The following TAFA4 variants were observed in gnomAD, a reference collection of about 807,000 sequenced individuals.
The protein encoded by TAFA4 is TAFA chemokine like family member 4.
A neutral mutation model predicts 21.1 loss-of-function variants in TAFA4; 20 were observed. The observed-to-expected ratio is 0.95, with a 90% CI of 0.67 to 1.38. The LOEUF is 1.38. Ranked by LOEUF, TAFA4 falls within the 40% of genes most tolerant of loss-of-function variation. TAFA4 has a pLI of 0.00. For synonymous variants in TAFA4, 71 were observed against 67.4 expected, an observed-to-expected ratio of 1.05 and a Z score of -0.26; for missense variants, 211 against 180.9, an observed-to-expected ratio of 1.17 and a Z score of -0.95.
intron 3 of TAFA4, among the ~76,000 whole-genome samples, chr3:68,780,934 A>T (rs1351412552): frequency 2.0e-5 from 3 of 152,004 alleles, no homozygotes; most frequent in Non-Finnish European, 4.4e-5. Context: ...TAAAAGGCAT[A>T]CCTGGCAGGT....
In TAFA4 at chr3:68,805,020, T is replaced by C. The variant is rs56199606; in HGVS notation, c.131-52002A>G. The stretch of plus-strand genomic sequence containing the variant: ...CTACTATCAGGGTGAACAGGCAACC[T>C]ACAAAATGGGAGAAAATTTTCACAA... On this transcript the variant is annotated intron_variant, in intron 3 of 5. Transcript: ENST00000295569. 9.4e-3 allele frequency among the ~76,000 whole-genome samples: 1,427 copies of C among 152,188 alleles called. 10 individuals are homozygous for C. Among genetic ancestry groups the C allele is most frequent in the Non-Finnish European group, 0.014 (948 of 68,008 alleles).
chr3:68,773,469 A>G (rs1014772234), intron 3 of TAFA4, among the ~76,000 whole-genome samples: 1 of 152,168 alleles, frequency 6.6e-6, no homozygotes, highest in African/African-American at 2.4e-5. Context: ...ATACTTAGGC[A>G]TGATTGATTA....
chr3:68,907,934 A>G (rs145922021), intron 1 of TAFA4, among the ~76,000 whole-genome samples: 1 of 152,332 alleles, frequency 6.6e-6, no homozygotes, highest in East Asian at 1.9e-4. Flanking sequence ...TGAACACTCA[A>G]TGCAGCAACG....
intron 2 of TAFA4, among the ~76,000 whole-genome samples, chr3:68,884,740 T>C (rs1006662109): frequency 1.3e-5 from 2 of 152,218 alleles, no homozygotes; most frequent in African/African-American, 4.8e-5. Context: ...GGGCACACAT[T>C]CCAAATCCTG....
At chr3:68,795,037 GAC>G in intron 3 of TAFA4, among the ~76,000 whole-genome samples, 1 of 81,136 alleles carries the variant, frequency 1.2e-5, no homozygotes, top group African/African-American at 5.3e-5. Context: ...CACACACACA[GAC>G]ACACAGTCTT....
rs1217706645 is a variant in TAFA4, at chr3:68,732,435, A to AAAAT, written c.*703_*706dup. 2 of 152,584 alleles carry AAAAT rather than the reference A, an allele frequency of 1.3e-5. No individual in the cohort carries two copies. The highest frequency in any genetic ancestry group is 4.8e-5 in the African/African-American group (2 of 41,432). 9.5% of individuals were successfully genotyped at this position (152,584 alleles called of 1,614,324 possible). A position where few individuals can be genotyped will look rare whatever the true frequency, so the allele number is the denominator to read the frequency against. On this transcript the variant is annotated 3_prime_UTR_variant, in exon 6 of 6. Transcript: ENST00000295569. ...TATGTTCTGATAGAGCTTTGGTTAT[A>AAAAT]AAATATTGGAATTGATATGCTTCCT... is the stretch of plus-strand genomic sequence containing the variant.
At chr3:68,851,341 G>A (rs530722329) in intron 3 of TAFA4, among the ~76,000 whole-genome samples, 1 of 152,216 alleles carries the variant, frequency 6.6e-6, no homozygotes, top group East Asian at 1.9e-4. Context: ...ACCTGTCGGG[G>A]GGTGCAGTGT....
chr3:68,746,173 CATGGGCTGAAGG>C, intron 4 of TAFA4, among the ~76,000 whole-genome samples: 1 of 152,094 alleles, frequency 6.6e-6, no homozygotes. Context: ...GGCCTTCAGC[CATGGGCTGAAGG>C]CTGCACTGTT....
chr3:68,880,116 T>C (rs2089599354), intron 3 of TAFA4, among the ~76,000 whole-genome samples: 1 of 151,112 alleles, frequency 6.6e-6, no homozygotes, highest in African/African-American at 2.4e-5. Flanking sequence ...GGTTTTGATC[T>C]CGCCTTTAAA....
chr3:68,824,060 C>T (rs1704171352), intron 3 of TAFA4, among the ~76,000 whole-genome samples: 2 of 152,142 alleles, frequency 1.3e-5, no homozygotes, highest in African/African-American at 4.8e-5. Context: ...TGGTATGCCA[C>T]AGTGATCATA....
At chr3:68,810,925 T>A (rs985903150) in intron 3 of TAFA4, among the ~76,000 whole-genome samples, 2 of 152,064 alleles carry the variant, frequency 1.3e-5, no homozygotes, top group African/African-American at 4.8e-5. Flanking sequence ...CAACCCCCAG[T>A]AGGGGCAGTC....
At chr3:68,740,635 T>C (rs1702331788) in intron 4 of TAFA4, among the ~76,000 whole-genome samples, 1 of 152,186 alleles carries the variant, frequency 6.6e-6, no homozygotes, top group Non-Finnish European at 1.5e-5. Flanking sequence ...TCTACCATTC[T>C]CTAGGCTGCT....
intron 1 of TAFA4, among the ~76,000 whole-genome samples, chr3:68,892,140 AC>A (rs748945449): frequency 1.9e-4 from 29 of 152,324 alleles, no homozygotes; most frequent in Admixed American, 6.5e-4. Flanking sequence ...ATGTGGAATT[AC>A]TTTTGTAATT....
chr3:68,753,213 G>A (rs1347423061), intron 3 of TAFA4, among the ~76,000 whole-genome samples, 195 bp from the exon 4 acceptor site: 12 of 152,052 alleles, frequency 7.9e-5, no homozygotes, highest in Admixed American at 7.9e-4. Context: ...AAGCTTCTGT[G>A]AACCTGTGGT....
chr3:68,784,115 T>G (rs1377061698), intron 3 of TAFA4, among the ~76,000 whole-genome samples: 2 of 152,246 alleles, frequency 1.3e-5, no homozygotes, highest in African/African-American at 4.8e-5. Flanking sequence ...TATGAAAAGA[T>G]GCTCAACCTC....
intron 4 of TAFA4, among the ~76,000 whole-genome samples, chr3:68,748,110 G>A (rs1216801919): frequency 1.3e-5 from 2 of 152,214 alleles, no homozygotes; most frequent in African/African-American, 4.8e-5. Context: ...CTCTGAACTA[G>A]TAAACTCTGA....
intron 3 of TAFA4, among the ~76,000 whole-genome samples, chr3:68,775,014 T>G (rs1025082435): frequency 1.3e-5 from 2 of 152,178 alleles, no homozygotes; most frequent in Non-Finnish European, 2.9e-5. Context: ...CTTTAGACCC[T>G]CAGAAAGTAA....
intron 3 of TAFA4, among the ~76,000 whole-genome samples, chr3:68,824,642 A>G (rs954615477): frequency 6.6e-6 from 1 of 152,184 alleles, no homozygotes. Flanking sequence ...GCATCTCCTT[A>G]AGGGACCATT....
chr3:68,742,282 A>G (rs933587733), intron 4 of TAFA4, among the ~76,000 whole-genome samples: 5 of 92,830 alleles, frequency 5.4e-5, no homozygotes, highest in Admixed American at 5.0e-4. Context: ...TCAATAGAGT[A>G]CCAAAAGTCT....
Sources: allele counts gnomAD v4.1 joint callset (sites outside exome capture counted in the v4.1 genomes callset), GRCh38; gene constraint gnomAD v4.1.1; transcripts MANE v1.5; gene names NCBI Gene and HGNC (gene_info 2026-07-23, HGNC 2026-07-21).